DPP8: variants seen among roughly 807,000 people sequenced by gnomAD.
The protein encoded by DPP8 is dipeptidyl peptidase 8.
Under a neutral mutation model 107.5 loss-of-function variants are expected in DPP8, and 31 were observed. The ratio of observed to expected loss-of-function variants is 0.29; its 90% CI spans 0.22 to 0.39. DPP8 has a LOEUF of 0.39. Ranked by LOEUF, DPP8 falls within the 10% of genes least tolerant of loss-of-function variation. The pLI, the probability that DPP8 is intolerant of heterozygous loss-of-function variation, is 1.00. For missense variants in DPP8, 842 were observed against 1,076.1 expected (o/e 0.78, Z 3.04); for synonymous variants, 381 against 356.6 (o/e 1.07, Z -0.77).
chr15:65,468,238 T>C lies in DPP8; in HGVS notation c.1537-1015A>G, dbSNP rs1484154595. ...GGCCAGATGTAGTGACTCACATCTG[T>C]AATCCCAGTGTTTTGGGAGGCCGAA... On this transcript the variant is annotated intron_variant, in intron 12 of 19. Transcript: ENST00000300141. Among the ~76,000 whole-genome samples, 178 of 152,296 alleles carry C rather than the reference T, an allele frequency of 1.2e-3. 1 individual carries two copies. Among genetic ancestry groups the C allele is most frequent in the Admixed American group, 0.012 (177 of 15,284 alleles).
intron 11 of DPP8, among the ~76,000 whole-genome samples, chr15:65,478,248 A>T (rs796722147): frequency 7.9e-5 from 12 of 152,106 alleles, no homozygotes; most frequent in African/African-American, 2.9e-4. Context: ...CATAACATTT[A>T]AAAAAAATAG....
chr15:65,500,027 C>T (rs137884192), intron 4 of DPP8, among the ~76,000 whole-genome samples: 2,627 of 152,224 alleles, frequency 0.017, 35 homozygotes, highest in Non-Finnish European at 0.025. Context: ...TCCTGAGTAT[C>T]TGGGATTAAA....
intron 17 of DPP8, among the ~76,000 whole-genome samples, chr15:65,452,493 CAATA>C (rs2064060701): frequency 6.6e-6 from 1 of 151,420 alleles, no homozygotes; most frequent in Admixed American, 6.6e-5. Flanking sequence ...GAATTTAAAA[CAATA>C]AATGAAATAT....
intron 6 of DPP8, 86 bp downstream of exon 6, chr15:65,490,103 A>G: frequency 1.6e-6 from 1 of 612,136 alleles, no homozygotes; most frequent in Non-Finnish European, 2.7e-6. Flanking sequence ...TCTATTATCC[A>G]AGATTTAGAA....
At chr15:65,493,838 T>TA (rs2068286021) in intron 5 of DPP8, among the ~76,000 whole-genome samples, 1 of 152,158 alleles carries the variant, frequency 6.6e-6, no homozygotes, top group Non-Finnish European at 1.5e-5. Context: ...TACATACTGA[T>TA]AGACCAAATC....
intron 12 of DPP8, among the ~76,000 whole-genome samples, chr15:65,470,432 C>G (rs1243994528): frequency 6.6e-6 from 1 of 151,134 alleles, no homozygotes; most frequent in African/African-American, 2.4e-5. Flanking sequence ...ATGGTGAAAC[C>G]CCGTCTCTAC....
Position 65,454,290 on chromosome 15 carries a change from T to C in DPP8, c.2244A>G (p.Ala748=). 6.4e-7 allele frequency: 1 copy of C among 1,568,576 alleles called. No homozygotes were observed. Among genetic ancestry groups the C allele is most frequent in the Non-Finnish European group, 8.6e-7 (1 of 1,164,986 alleles). ...TGAAGATATCTGACCTCTGCATTAA[T>C]GCCATCAGGGAGAGGTATCCTCCAT... is the stretch of plus-strand genomic sequence containing the variant. ...WSYGGYLSLM[A]LMQRSDIFRV... Residue 748 remains alanine (A), a synonymous_variant, in exon 17 of 20, where the codon GCA becomes GCG. Coordinates refer to ENST00000300141, the MANE Select transcript of DPP8 (RefSeq NM_130434.5).
intron 1 of DPP8, among the ~76,000 whole-genome samples, chr15:65,513,918 C>T (rs11631575): frequency 0.018 from 2,790 of 152,286 alleles, 35 homozygotes; most frequent in Middle Eastern, 0.078. Flanking sequence ...GGGCAATCTA[C>T]TCTTTTTGAA....
At chr15:65,476,399 T>C (rs1260376512) in intron 11 of DPP8, among the ~76,000 whole-genome samples, 1 of 152,082 alleles carries the variant, frequency 6.6e-6, no homozygotes, top group African/African-American at 2.4e-5. Context: ...ATTACAGCTC[T>C]TAAGAAAGCA....
At chr15:65,505,972 T>C (rs1333586144) in intron 3 of DPP8, among the ~76,000 whole-genome samples, 2 of 145,002 alleles carry the variant, frequency 1.4e-5, no homozygotes, top group Non-Finnish European at 3.0e-5. Flanking sequence ...AAAAGATTAG[T>C]TGTTATAAAA....
At chr15:65,454,202 C>T in intron 17 of DPP8, 61 bp downstream of exon 17, 2 of 1,204,406 alleles carry the variant, frequency 1.7e-6, no homozygotes, top group Non-Finnish European at 2.2e-6. Context: ...TTTCATATAT[C>T]CTCCATTTAC....
chr15:65,456,722 A>G (rs1355295482), intron 15 of DPP8, among the ~76,000 whole-genome samples: 2 of 152,080 alleles, frequency 1.3e-5, no homozygotes, highest in African/African-American at 4.8e-5. Flanking sequence ...AATAAGAAAA[A>G]CTTTCCTCCC....
chr15:65,506,252 C>T (rs2141050145), intron 3 of DPP8, among the ~76,000 whole-genome samples: 1 of 151,962 alleles, frequency 6.6e-6, no homozygotes, highest in African/African-American at 2.4e-5. Context: ...TCGCTTGAAC[C>T]CGGGAGGCGG....
At chr15:65,458,351 C>G (rs1485474780) in intron 15 of DPP8, among the ~76,000 whole-genome samples, 1 of 152,126 alleles carries the variant, frequency 6.6e-6, no homozygotes, top group Non-Finnish European at 1.5e-5. Context: ...ACTTCCGCCT[C>G]CCAGGTTCAA....
intron 15 of DPP8, among the ~76,000 whole-genome samples, chr15:65,460,434 CTG>C (rs2064817286): frequency 6.6e-6 from 1 of 151,470 alleles, no homozygotes; most frequent in Non-Finnish European, 1.5e-5. Context: ...CAGAGCGAGA[CTG>C]TCTCAAAAAC....
intron 1 of DPP8, chr15:65,516,649 T>C: frequency 6.6e-6 from 1 of 152,196 alleles, no homozygotes; most frequent in South Asian, 2.1e-4. Flanking sequence ...TAGAGCATGT[T>C]GACTCAGAAA....
intron 3 of DPP8, among the ~76,000 whole-genome samples, chr15:65,501,509 T>C (rs1424201174): frequency 6.6e-6 from 1 of 152,206 alleles, no homozygotes. Context: ...TATTCAAAAG[T>C]AATTTTCTTC....
chr15:65,467,025 G>T (rs1265494567), intron 13 of DPP8, 46 bp downstream of exon 13: 2 of 1,604,140 alleles, frequency 1.2e-6, no homozygotes, highest in Non-Finnish European at 1.7e-6. Flanking sequence ...TACATAAGCA[G>T]AGAGTTTTAA....
At chr15:65,468,302 C>G (rs2065536640) in intron 12 of DPP8, among the ~76,000 whole-genome samples, 1 of 152,002 alleles carries the variant, frequency 6.6e-6, no homozygotes, top group South Asian at 2.1e-4. Flanking sequence ...TGAGACCAGT[C>G]TGGGCAAAAT....
Sources: allele counts gnomAD v4.1 joint callset (sites outside exome capture counted in the v4.1 genomes callset), GRCh38; gene constraint gnomAD v4.1.1; transcripts MANE v1.5; gene names NCBI Gene and HGNC (gene_info 2026-07-23, HGNC 2026-07-21).